Variants in NLGN1 observed in about 807,000 individuals in gnomAD.
The protein encoded by NLGN1 is neuroligin 1.
NLGN1 carries 12 observed loss-of-function variants against 65.5 expected under a neutral mutation model. That is an observed-to-expected ratio of 0.18 (90% CI 0.12 to 0.30). The LOEUF (loss-of-function observed/expected upper bound fraction) is 0.30, where lower values mean the gene tolerates loss of function less well. NLGN1 is among the 10% of genes least tolerant of loss of function. The probability of loss-of-function intolerance (pLI) is 1.00; values close to 1 mark genes in which losing one functional copy is unlikely to be tolerated. For synonymous variants in NLGN1, 350 were observed against 359.5 expected (o/e 0.97, Z 0.30); for missense variants, 750 against 1,007.1 (o/e 0.74, Z 3.46).
chr3:173,737,901 C>T (rs1560269026), intron 3 of NLGN1, among the ~76,000 whole-genome samples: 1 of 152,046 alleles, frequency 6.6e-6, no homozygotes, highest in Non-Finnish European at 1.5e-5. Flanking sequence ...AACTTCTCTG[C>T]ATCCTCACCA....
intron 4 of NLGN1, among the ~76,000 whole-genome samples, chr3:174,166,220 C>G (rs1727465609): frequency 6.6e-6 from 1 of 151,778 alleles, no homozygotes; most frequent in Admixed American, 6.6e-5. Context: ...TTAGTTATTT[C>G]TTTTCTTCTG....
intron 2 of NLGN1, among the ~76,000 whole-genome samples, chr3:173,526,575 T>C (rs896163901): frequency 6.6e-6 from 1 of 152,178 alleles, no homozygotes; most frequent in Non-Finnish European, 1.5e-5. Flanking sequence ...TATCTATTGC[T>C]TCAAGCATTT....
intron 4 of NLGN1, among the ~76,000 whole-genome samples, chr3:173,979,215 C>G (rs925696284): frequency 1.3e-5 from 2 of 151,860 alleles, no homozygotes; most frequent in African/African-American, 4.8e-5. Context: ...GTAGATAACT[C>G]TCCCACAAGA....
At chr3:173,428,240 T>A (rs1378970141) in intron 1 of NLGN1, among the ~76,000 whole-genome samples, 1 of 151,900 alleles carries the variant, frequency 6.6e-6, no homozygotes, top group Non-Finnish European at 1.5e-5. Context: ...TGATTGGGTC[T>A]TGTTCTTTCA....
intron 4 of NLGN1, among the ~76,000 whole-genome samples, chr3:174,203,159 C>T (rs1734795976): frequency 6.6e-6 from 1 of 152,180 alleles, no homozygotes; most frequent in Non-Finnish European, 1.5e-5. Flanking sequence ...TACCCATCAG[C>T]TCACATTCCT....
intron 4 of NLGN1, among the ~76,000 whole-genome samples, chr3:173,962,048 T>A (rs73184515): frequency 0.17 from 25,585 of 152,076 alleles, 2,341 homozygotes; most frequent in East Asian, 0.34. Context: ...AAAAGTCTTC[T>A]TTTTACTTCA....
At chr3:173,527,554 C>T (rs113643405) in intron 2 of NLGN1, among the ~76,000 whole-genome samples, 7,681 of 152,130 alleles carry the variant, frequency 0.05, 612 homozygotes, top group African/African-American at 0.18. Context: ...CCCGCCACCA[C>T]GCCCGGCTAA....
chr3:174,281,464 A>G, exon 7 of NLGN1: 2 of 546,958 alleles, frequency 3.7e-6, no homozygotes, highest in East Asian at 2.9e-5. Flanking sequence ...AATGAATTGT[A>G]TATATACAAA....
chr3:173,908,944 C>T (rs1181708166), intron 4 of NLGN1, among the ~76,000 whole-genome samples: 2 of 152,040 alleles, frequency 1.3e-5, no homozygotes, highest in Non-Finnish European at 2.9e-5. Flanking sequence ...GTAATAACAT[C>T]AACTGGCCAG....
intron 4 of NLGN1, among the ~76,000 whole-genome samples, chr3:173,943,418 C>T (rs1310184073): frequency 1.3e-5 from 2 of 152,166 alleles, no homozygotes; most frequent in African/African-American, 4.8e-5. Flanking sequence ...GCAGCCCCTA[C>T]AACTCTCACC....
intron 4 of NLGN1, among the ~76,000 whole-genome samples, chr3:174,000,553 T>C (rs1024005804): frequency 2.6e-5 from 4 of 152,114 alleles, no homozygotes; most frequent in African/African-American, 9.7e-5. Context: ...CAGAGAGCCA[T>C]AGTTAATCCA....
At chr3:173,786,139 A>G (rs1278343568) in intron 3 of NLGN1, among the ~76,000 whole-genome samples, 2 of 152,064 alleles carry the variant, frequency 1.3e-5, no homozygotes, top group South Asian at 2.1e-4. Context: ...TATTTTTTTT[A>G]TGCACATTCA....
intron 3 of NLGN1, among the ~76,000 whole-genome samples, chr3:173,683,396 C>T (rs377334960): frequency 2.0e-5 from 3 of 152,148 alleles, no homozygotes; most frequent in East Asian, 3.9e-4. Flanking sequence ...AGTTGAAATT[C>T]CCCCAGATCC....
At chr3:173,783,905 G>A (rs1781562018) in intron 3 of NLGN1, among the ~76,000 whole-genome samples, 2 of 152,062 alleles carry the variant, frequency 1.3e-5, no homozygotes, top group African/African-American at 2.4e-5. Context: ...ATGTTACAAT[G>A]TTTTTTTGAA....
intron 2 of NLGN1, among the ~76,000 whole-genome samples, chr3:173,581,599 T>C (rs1199646377): frequency 6.6e-6 from 1 of 151,966 alleles, no homozygotes; most frequent in Non-Finnish European, 1.5e-5. Flanking sequence ...GTGGTAATTT[T>C]TGCTTCCTAG....
intron 2 of NLGN1, among the ~76,000 whole-genome samples, chr3:173,568,998 T>C (rs924338640): frequency 6.6e-6 from 1 of 152,070 alleles, no homozygotes; most frequent in African/African-American, 2.4e-5. Context: ...TCTTCAACAC[T>C]CTGTGTTTGT....
chr3:174,233,955 TAC>T (rs1412325743), intron 4 of NLGN1, among the ~76,000 whole-genome samples: 3 of 152,214 alleles, frequency 2.0e-5, no homozygotes, highest in Non-Finnish European at 4.4e-5. Context: ...TATGTTGACA[TAC>T]AGTTTCTTTT....
At chr3:173,609,401 G>T (rs1006762160) in intron 3 of NLGN1, among the ~76,000 whole-genome samples, 1 of 151,864 alleles carries the variant, frequency 6.6e-6, no homozygotes, top group African/African-American at 2.4e-5. Flanking sequence ...AGTGTTTTAC[G>T]TGCTCTGGTT....
At chr3:174,152,301 A>C (rs1724523097) in intron 4 of NLGN1, among the ~76,000 whole-genome samples, 1 of 152,198 alleles carries the variant, frequency 6.6e-6, no homozygotes, top group South Asian at 2.1e-4. Flanking sequence ...ACATAAATAT[A>C]TCATCTAAAC....
Sources: gnomAD v4.1 joint callset for allele counts (sites outside exome capture counted in the v4.1 genomes callset) on GRCh38, gnomAD v4.1.1 for gene constraint, MANE v1.5 for transcripts, NCBI Gene and HGNC (gene_info 2026-07-23, HGNC 2026-07-21) for gene names.